The following TRDMT1 variants were observed in gnomAD, a reference collection of about 807,000 sequenced individuals.
TRDMT1 encodes the protein tRNA (cytosine(38)-C(5))-methyltransferase.
Under a neutral mutation model 51.2 loss-of-function variants are expected in TRDMT1, and 49 were observed. The ratio of observed to expected loss-of-function variants is 0.96; its 90% CI spans 0.76 to 1.21. The LOEUF (loss-of-function observed/expected upper bound fraction) is 1.21, where lower values mean the gene tolerates loss of function less well. TRDMT1 is among the 50% of genes most tolerant of loss of function. The pLI is 0.00. For missense variants in TRDMT1, 534 were observed against 462.3 expected, an observed-to-expected ratio of 1.16 and a Z score of -1.42; for synonymous variants, 187 against 164.6, an observed-to-expected ratio of 1.14 and a Z score of -1.04.
chr10:17,162,028 G>T (rs1459700746), intron 4 of TRDMT1, 138 bp downstream of exon 4: 2 of 750,632 alleles, frequency 2.7e-6, no homozygotes, highest in East Asian at 5.1e-5. Context: ...GTCATGGTAG[G>T]AGAAGATAAA....
Position 17,201,574 on chromosome 10 carries a change from T to G in TRDMT1, c.61A>C (p.Arg21=), listed in dbSNP as rs1367816793. Residue 21 remains arginine (R), a synonymous_variant, in exon 1 of 11, where the codon AGA becomes CGA. Coordinates refer to ENST00000377799, the MANE Select transcript of TRDMT1 (RefSeq NM_004412.7). The part of the protein sequence containing the change: ...SGVGGMHHAL[R]ESCIPAQVVA... ...GGGGTGCTAGATGGACTCTCACCTC[T>G]CAGCGCGTGGTGCATGCCGCCCACG... The G allele has an allele frequency of 6.5e-7, 1 of 1,549,658 alleles. No individual in the cohort carries two copies. The highest frequency in any genetic ancestry group is 8.7e-7 in the Non-Finnish European group (1 of 1,146,184).
chr10:17,157,523 G>A lies in TRDMT1; in HGVS notation c.805C>T (p.Pro269Ser), dbSNP rs1839696044. 6.2e-7 allele frequency: 1 copy of A among 1,614,018 alleles called. No homozygotes were observed. The highest frequency in any genetic ancestry group is 8.5e-7 in the Non-Finnish European group (1 of 1,179,928). ...DDTDVNQYLL[P>S]PKSLLRYALL... Reference sequence around the variant, plus strand: ...GCATATCGCAGCAATGACTTTGGTGGTAAAAGATACTGGTTCACGTCAGTG... The same window carrying A: ...GCATATCGCAGCAATGACTTTGGTGATAAAAGATACTGGTTCACGTCAGTG... The change falls in exon 8 of 11, where the codon CCA (proline) becomes TCA (serine). Residue 269 changes from proline to serine, a missense_variant. Pro to Ser is a moderately conservative substitution (Grantham distance 74). Transcript: ENST00000377799.
At chr10:17,199,538 T>C (rs573832116) in intron 1 of TRDMT1, among the ~76,000 whole-genome samples, 2 of 152,270 alleles carry the variant, frequency 1.3e-5, no homozygotes, top group African/African-American at 2.4e-5. Context: ...ATCGTTTAAT[T>C]AGAATTTCAG....
chr10:17,151,195 T>C (rs1199468633), intron 10 of TRDMT1: 3 of 840,434 alleles, frequency 3.6e-6, no homozygotes, highest in Non-Finnish European at 4.3e-6. Context: ...ATTACTTTTC[T>C]ACCAATCTAA....
At chr10:17,174,174 C>T (rs1842370100) in intron 2 of TRDMT1, among the ~76,000 whole-genome samples, 1 of 152,190 alleles carries the variant, frequency 6.6e-6, no homozygotes, top group Non-Finnish European at 1.5e-5. Flanking sequence ...AAATAAGAAG[C>T]ATTCAGTAAA....
rs762263008 is a variant in TRDMT1 at position 17,142,431 on chromosome 10, T to A, written c.*6609A>T. On this transcript the variant is annotated 3_prime_UTR_variant, in exon 11 of 11. Transcript: ENST00000377799. ...GGGGTTCCCGAATGGTCCTTCATGATGCTACTTTAGGGAAAGAAGGATTTT... is the reference window on the plus strand; with the variant it reads ...GGGGTTCCCGAATGGTCCTTCATGAAGCTACTTTAGGGAAAGAAGGATTTT... The A allele has an allele frequency of 6.6e-6, 1 of 152,218 alleles. No homozygotes were observed. The highest frequency in any genetic ancestry group is 1.5e-5 in the Non-Finnish European group (1 of 68,072). 9.4% of individuals were successfully genotyped at this position (152,218 alleles called of 1,614,324 possible). A position where few individuals can be genotyped will look rare whatever the true frequency, so the allele number is the denominator to read the frequency against.
intron 1 of TRDMT1, among the ~76,000 whole-genome samples, chr10:17,185,218 G>T (rs11254444): frequency 0.14 from 20,861 of 152,180 alleles, 1,528 homozygotes; most frequent in Admixed American, 0.17. Flanking sequence ...TTTTAAAAAT[G>T]AGAATATCAA....
chr10:17,171,568 C>A (rs946592771), intron 2 of TRDMT1: 2 of 152,192 alleles, frequency 1.3e-5, no homozygotes, highest in African/African-American at 4.8e-5. Flanking sequence ...CTTTAACGCT[C>A]TTGACAGCTG....
chr10:17,160,033 C>T (rs891176442), intron 6 of TRDMT1, among the ~76,000 whole-genome samples: 2 of 151,938 alleles, frequency 1.3e-5, no homozygotes, highest in African/African-American at 2.4e-5. Flanking sequence ...CCAAACTTGA[C>T]GTATTTTCAA....
At chr10:17,183,646 T>C (rs547466286) in intron 1 of TRDMT1, among the ~76,000 whole-genome samples, 2 of 152,296 alleles carry the variant, frequency 1.3e-5, no homozygotes, top group East Asian at 1.9e-4. Flanking sequence ...CTCGAACTCC[T>C]GACCTCATGA....
At position 17,142,843 on chromosome 10, in the gene TRDMT1, G is replaced by T. The variant is rs2131350979; in HGVS notation, c.*6197C>A. On this transcript the variant is annotated 3_prime_UTR_variant, in exon 11 of 11. Coordinates refer to ENST00000377799, the MANE Select transcript of TRDMT1 (RefSeq NM_004412.7). ...GGTCCCTCCGCAGTGTGTCTTCCTG[G>T]TCCCACCTTTCAGAATTCTCCTTCT... is the stretch of plus-strand genomic sequence containing the variant. The T allele has an allele frequency of 2.3e-6, 1 of 428,484 alleles. No individual in the cohort carries two copies. Among genetic ancestry groups the T allele is most frequent in the Non-Finnish European group, 3.1e-6 (1 of 321,008 alleles). 26.5% of individuals were successfully genotyped at this position (428,484 alleles called of 1,614,324 possible).
At position 17,145,668 on chromosome 10, in the gene TRDMT1, C is replaced by G. The variant is rs562731304; in HGVS notation, c.*3372G>C. ...GGAAAACCCACTTTAATCTCTTTGT[C>G]TATGTGGGATTAAAATTTGGTCCTT... On this transcript the variant is annotated 3_prime_UTR_variant, in exon 11 of 11. Coordinates refer to ENST00000377799, the MANE Select transcript of TRDMT1 (RefSeq NM_004412.7). 2 of 985,392 alleles carry G rather than the reference C, an allele frequency of 2.0e-6. No individual in the cohort carries two copies. Among genetic ancestry groups the G allele is most frequent in the African/African-American group, 1.7e-5 (1 of 57,344 alleles). The allele number at this position is 985,392 out of a possible 1,614,324, so 61.0% of individuals were successfully genotyped here. A position where few individuals can be genotyped will look rare whatever the true frequency, so the allele number is the denominator to read the frequency against.
At chr10:17,175,770 C>A (rs1842550733) in intron 1 of TRDMT1, among the ~76,000 whole-genome samples, 1 of 151,766 alleles carries the variant, frequency 6.6e-6, no homozygotes, top group South Asian at 2.1e-4. Context: ...AGGAGAAAGG[C>A]TCACACACGC....
chr10:17,142,057 T>TC lies in TRDMT1; in HGVS notation c.*6982_*6983insG. The stretch of plus-strand genomic sequence containing the variant: ...TTTCTTTGCTGAGCTTTTCTATTTT[T>TC]TGTGGCAAGACAACTTGTAATTACC... On this transcript the variant is annotated 3_prime_UTR_variant, in exon 11 of 11. Coordinates refer to ENST00000377799, the MANE Select transcript of TRDMT1 (RefSeq NM_004412.7). 6.6e-6 allele frequency among the ~76,000 whole-genome samples: 1 copy of TC among 152,084 alleles called. No individual in the cohort carries two copies. The highest frequency in any genetic ancestry group is 1.9e-4 in the East Asian group (1 of 5,170).
chr10:17,178,982 A>C (rs895578184), intron 1 of TRDMT1, among the ~76,000 whole-genome samples: 2 of 152,184 alleles, frequency 1.3e-5, no homozygotes, highest in African/African-American at 4.8e-5. Flanking sequence ...TTTCAACAAA[A>C]TACCAAAAGA....
chr10:17,167,778 T>G (rs1841411157), intron 3 of TRDMT1, among the ~76,000 whole-genome samples: 1 of 152,224 alleles, frequency 6.6e-6, no homozygotes, highest in Non-Finnish European at 1.5e-5. Flanking sequence ...TTAAGCAATT[T>G]AGGACTTGAA....
rs900094872 is a variant in TRDMT1 at position 17,145,099 on chromosome 10, T to C, written c.*3941A>G. 1.6e-5 allele frequency: 10 copies of C among 611,712 alleles called. No homozygotes were observed. The highest frequency in any genetic ancestry group is 1.8e-5 in the Non-Finnish European group (9 of 488,866). The allele number at this position is 611,712 out of a possible 1,614,324, so 37.9% of individuals were successfully genotyped here. A position where few individuals can be genotyped will look rare whatever the true frequency, so the allele number is the denominator to read the frequency against. ...ACCCGATCTCTACTAATACAAAAAT[T>C]AGCTAGGTGTGGTGGCATGCGCCTG... On this transcript the variant is annotated 3_prime_UTR_variant, in exon 11 of 11. Transcript: ENST00000377799.
Position 17,201,582 on chromosome 10 carries a change from T to C in TRDMT1, c.53A>G (p.His18Arg). The C allele has an allele frequency of 6.5e-7, 1 of 1,549,594 alleles. No homozygotes were observed. The highest frequency in any genetic ancestry group is 8.7e-7 in the Non-Finnish European group (1 of 1,146,178). Residue 18 changes from histidine to arginine, a missense_variant, in exon 1 of 11, where the codon CAC (histidine) becomes CGC (arginine). Coordinates refer to ENST00000377799, the MANE Select transcript of TRDMT1 (RefSeq NM_004412.7). ...AGATGGACTCTCACCTCTCAGCGCGTGGTGCATGCCGCCCACGCCGCTGTA... is the reference window on the plus strand; with the variant it reads ...AGATGGACTCTCACCTCTCAGCGCGCGGTGCATGCCGCCCACGCCGCTGTA... ...ELYSGVGGMHHALRESCIPAQ... is the reference protein window; with the variant it reads ...ELYSGVGGMHRALRESCIPAQ...
Position 17,151,307 on chromosome 10 carries a change from A to G in TRDMT1, c.1076-2167T>C, listed in dbSNP as rs571489492. ...AATAATAATCCTCAAAAACAAAGAA[A>G]CATGGGATGAACAAGGTCAAGATAT... On this transcript the variant is annotated intron_variant, in intron 10 of 10. Transcript: ENST00000377799. 106 of 985,270 alleles carry G rather than the reference A, an allele frequency of 1.1e-4. 2 individuals are homozygous for G. In the Admixed American group the frequency reaches 6.5e-3, roughly 61 times the overall value. 61.0% of individuals were successfully genotyped at this position (985,270 alleles called of 1,614,324 possible).
Sources: gnomAD v4.1 joint callset for allele counts (sites outside exome capture counted in the v4.1 genomes callset) on GRCh38, gnomAD v4.1.1 for gene constraint, MANE v1.5 for transcripts, NCBI Gene and HGNC (gene_info 2026-07-23, HGNC 2026-07-21) for gene names.